The following SMOC2 variants were observed in gnomAD, a reference collection of about 807,000 sequenced individuals.
SMOC2 encodes SPARC related modular calcium binding 2, also known as SPARC-related modular calcium-binding protein 2.
A neutral mutation model predicts 61.4 loss-of-function variants in SMOC2; 39 were observed. The ratio of observed to expected loss-of-function variants is 0.64; its 90% confidence interval spans 0.49 to 0.83. The LOEUF (loss-of-function observed/expected upper bound fraction) is 0.83, where lower values mean the gene tolerates loss of function less well. Among genes scored for constraint, SMOC2 ranks in the 40% least tolerant of loss-of-function variants. The pLI, the probability that SMOC2 is intolerant of heterozygous loss-of-function variation, is 0.00. For synonymous variants in SMOC2, 247 were observed against 239.9 expected, an observed-to-expected ratio of 1.03 and a Z score of -0.27; for missense variants, 556 against 592.9, an observed-to-expected ratio of 0.94 and a Z score of 0.65.
chr6:168,637,953 C>T (rs9456262), intron 9 of SMOC2, among the ~76,000 whole-genome samples: 28,799 of 151,666 alleles, frequency 0.19, 2,885 homozygotes, highest in South Asian at 0.23. Flanking sequence ...GGATGCTGAG[C>T]GGGAGCCAGG....
At chr6:168,663,222 C>T (rs1368243168) in intron 11 of SMOC2, among the ~76,000 whole-genome samples, 1 of 152,110 alleles carries the variant, frequency 6.6e-6, no homozygotes, top group East Asian at 1.9e-4. Context: ...GAGATGCAAG[C>T]GTGGAAGCTG....
chr6:168,648,808 C>T (rs1330017777), intron 9 of SMOC2, among the ~76,000 whole-genome samples: 2 of 152,156 alleles, frequency 1.3e-5, no homozygotes, highest in East Asian at 1.9e-4. Context: ...GTCTTGCTAT[C>T]GGCAGCTCAC....
intron 8 of SMOC2, among the ~76,000 whole-genome samples, chr6:168,606,537 A>G (rs1461349271): frequency 6.6e-6 from 1 of 152,084 alleles, no homozygotes; most frequent in African/African-American, 2.4e-5. Flanking sequence ...CTCTGTTAGA[A>G]CACTTTAAAT....
intron 7 of SMOC2, among the ~76,000 whole-genome samples, chr6:168,575,539 C>T (rs142247696): frequency 7.8e-4 from 119 of 152,216 alleles, no homozygotes; most frequent in African/African-American, 2.6e-3. Context: ...ATGCAGAAGA[C>T]GGGGAGCTCC....
rs139503316 is a variant in SMOC2, at chr6:168,492,100, T to G, written c.85-17815T>G. On this transcript the variant is annotated intron_variant, in intron 1 of 12. Coordinates refer to ENST00000356284, the MANE Select transcript of SMOC2 (RefSeq NM_001166412.2). Reference sequence around the variant, plus strand: ...ATTAAACAAAATAATGTCTCCCCAATTTTTTATTCATGGAAGAGAAATTAC... The same window carrying G: ...ATTAAACAAAATAATGTCTCCCCAAGTTTTTATTCATGGAAGAGAAATTAC... 3.7e-3 allele frequency among the ~76,000 whole-genome samples: 559 copies of G among 152,302 alleles called. 2 individuals are homozygous for G. Among genetic ancestry groups the G allele is most frequent in the African/African-American group, 0.013 (540 of 41,560 alleles).
intron 8 of SMOC2, among the ~76,000 whole-genome samples, chr6:168,604,964 G>C (rs1411698261): frequency 6.6e-6 from 1 of 152,166 alleles, no homozygotes; most frequent in African/African-American, 2.4e-5. Context: ...GTCATTGTTT[G>C]CAGATCCCGG....
Position 168,544,345 on chromosome 6 carries a change from T to C in SMOC2, c.511+673T>C, listed in dbSNP as rs1275846436. On this transcript the variant is annotated intron_variant, in intron 5 of 12. Coordinates refer to ENST00000356284, the MANE Select transcript of SMOC2 (RefSeq NM_001166412.2). This position sits in a 1 kb window ranked among gnomAD's most constrained non-coding sequence, Gnocchi z 4.1. ...GTTTTCAAGATGAGAAGAAATACTT[T>C]AGTACCAAAATTTTAGGTACTTTTC... is the stretch of plus-strand genomic sequence containing the variant. Among the ~76,000 whole-genome samples, 2 of 152,214 alleles carry C rather than the reference T, an allele frequency of 1.3e-5. No homozygotes were observed. The highest frequency in any genetic ancestry group is 2.4e-5 in the African/African-American group (1 of 41,450).
At chr6:168,547,507 G>A (rs1042946120) in intron 6 of SMOC2, among the ~76,000 whole-genome samples, 1 of 152,006 alleles carries the variant, frequency 6.6e-6, no homozygotes. Flanking sequence ...CGTACAGCAC[G>A]AGGAATCTAG....
chr6:168,569,076 A>G (rs938759729), intron 7 of SMOC2, among the ~76,000 whole-genome samples: 10 of 152,222 alleles, frequency 6.6e-5, no homozygotes, highest in African/African-American at 2.4e-4. Flanking sequence ...TAAGAACACG[A>G]TTGGTGGATG....
At chr6:168,501,030 T>C (rs1371268892) in intron 1 of SMOC2, among the ~76,000 whole-genome samples, 1 of 152,218 alleles carries the variant, frequency 6.6e-6, no homozygotes, top group African/African-American at 2.4e-5. Context: ...ATAGGGGACT[T>C]GTACAATCTA....
intron 4 of SMOC2, among the ~76,000 whole-genome samples, chr6:168,533,631 A>G (rs749848789): frequency 5.9e-5 from 9 of 152,200 alleles, no homozygotes; most frequent in Non-Finnish European, 1.3e-4. Flanking sequence ...GCCAGTGTGC[A>G]GTGGCTTGGC....
intron 4 of SMOC2, among the ~76,000 whole-genome samples, chr6:168,542,367 G>A (rs1224638587): frequency 1.3e-5 from 2 of 152,186 alleles, no homozygotes; most frequent in African/African-American, 2.4e-5. Flanking sequence ...AGTAACAGCT[G>A]GGAAAGAGAG....
At chr6:168,493,048 T>G (rs1486074757) in intron 1 of SMOC2, among the ~76,000 whole-genome samples, 4 of 152,176 alleles carry the variant, frequency 2.6e-5, no homozygotes, top group Admixed American at 6.5e-5. Flanking sequence ...AGTGATTTTT[T>G]TTTTTTGAGA....
intron 9 of SMOC2, among the ~76,000 whole-genome samples, chr6:168,630,833 C>G (rs552308195): frequency 6.6e-6 from 1 of 152,182 alleles, no homozygotes; most frequent in East Asian, 1.9e-4. Flanking sequence ...GAAATAGACT[C>G]CAGTCTCCTA....
At chr6:168,651,443 C>A (rs1787189467) in intron 10 of SMOC2, among the ~76,000 whole-genome samples, 1 of 152,174 alleles carries the variant, frequency 6.6e-6, no homozygotes, top group Admixed American at 6.5e-5. Flanking sequence ...AGCAGAAGAA[C>A]CCCAGGGTTT....
chr6:168,560,193 C>T (rs1415331472), intron 7 of SMOC2, among the ~76,000 whole-genome samples: 2 of 152,188 alleles, frequency 1.3e-5, no homozygotes, highest in Admixed American at 6.5e-5. Context: ...ATTTGTGTCT[C>T]AGATAAAATC....
At chr6:168,638,556 G>A (rs1404489298) in intron 9 of SMOC2, among the ~76,000 whole-genome samples, 1 of 152,214 alleles carries the variant, frequency 6.6e-6, no homozygotes, top group Non-Finnish European at 1.5e-5. Flanking sequence ...GGTGGGCAGA[G>A]CACACAGGGC....
At chr6:168,599,889 C>T (rs565500170) in intron 8 of SMOC2, among the ~76,000 whole-genome samples, 136 of 145,078 alleles carry the variant, frequency 9.4e-4, no homozygotes, top group African/African-American at 2.8e-3. Context: ...CTAACTCCCC[C>T]GACACATCCC....
At chr6:168,575,514 C>G (rs1366930949) in intron 7 of SMOC2, among the ~76,000 whole-genome samples, 2 of 152,190 alleles carry the variant, frequency 1.3e-5, no homozygotes, top group African/African-American at 4.8e-5. Flanking sequence ...AGCAGAACTT[C>G]CCTTCAGTTC....
Sources: gnomAD v4.1 joint callset for allele counts (sites outside exome capture counted in the v4.1 genomes callset) on GRCh38, gnomAD v4.1.1 for gene constraint, Gnocchi (gnomAD v3.1) non-coding constraint, MANE v1.5 for transcripts, NCBI Gene and HGNC (gene_info 2026-07-23, HGNC 2026-07-21) for gene names.